Variants in TOB1 observed in about 807,000 individuals in gnomAD.
TOB1 encodes the protein transducer of ERBB2, 1.
In TOB1, 2 loss-of-function variants were observed where a neutral mutation model predicts 22.9. The ratio of observed to expected loss-of-function variants is 0.09; its 90% CI spans 0.04 to 0.28. TOB1 has a LOEUF of 0.28. Among genes scored for constraint, TOB1 ranks in the 10% least tolerant of loss-of-function variants. The pLI is 1.00. For missense variants in TOB1, 299 were observed against 420.5 expected, an observed-to-expected ratio of 0.71 and a Z score of 2.53; for synonymous variants, 154 against 150.6, an observed-to-expected ratio of 1.02 and a Z score of -0.17.
rs1230212574 is a variant in TOB1 at position 50,862,846 on chromosome 17, TTTA to T, written c.*131_*133del. On this transcript the variant is annotated 3_prime_UTR_variant, in exon 2 of 2. Transcript: ENST00000499247. Reference sequence around the variant, plus strand: ...TTGGCAAATGAAAAATGATGCATGTTTTATTATTATTTTTTTAACCAAGCTTGA... The same window carrying T: ...TTGGCAAATGAAAAATGATGCATGTTTTATTATTTTTTTAACCAAGCTTGA... 19 of 1,258,972 alleles carry T rather than the reference TTTA, an allele frequency of 1.5e-5. No individual in the cohort carries two copies. Among genetic ancestry groups the T allele is most frequent in the Non-Finnish European group, 1.9e-5 (18 of 955,000 alleles). 78.0% of individuals were successfully genotyped at this position (1,258,972 alleles called of 1,614,324 possible).
Position 50,863,822 on chromosome 17 carries a change from G to A in TOB1, c.196C>T (p.Pro66Ser), listed in dbSNP as rs1258915177. The change falls in exon 2 of 2, where the codon CCA becomes TCA. Residue 66 changes from proline (P) to serine (S), a missense_variant. Pro to Ser is a moderately conservative substitution (Grantham distance 74). Transcript: ENST00000499247. ...RCIHIGEKVD[P>S]VIEQASKESG... ...TCTTTGGATGCTTGTTCAATCACTG[G>A]GTCCACTTTCTCCCCTATGTGTATA... 2.5e-6 allele frequency: 4 copies of A among 1,613,820 alleles called. No homozygotes were observed. Among genetic ancestry groups the A allele is most frequent in the Middle Eastern group, 1.6e-4 (1 of 6,062 alleles).
Position 50,862,819 on chromosome 17 carries a change from G to T in TOB1, c.*161C>A. 9.8e-7 allele frequency: 1 copy of T among 1,017,668 alleles called. No homozygotes were observed. The highest frequency in any genetic ancestry group is 1.4e-6 in the Non-Finnish European group (1 of 739,896). The allele number at this position is 1,017,668 out of a possible 1,614,324, so 63.0% of individuals were successfully genotyped here. ...GTCAGTATAAAATAACTTTGTGCTT[G>T]GTTGGCAAATGAAAAATGATGCATG... is the stretch of plus-strand genomic sequence containing the variant. On this transcript the variant is annotated 3_prime_UTR_variant, in exon 2 of 2. Coordinates refer to ENST00000499247, the MANE Select transcript of TOB1 (RefSeq NM_005749.4).
Position 50,863,791 on chromosome 17 carries a change from C to G in TOB1, c.227G>C (p.Gly76Ala), listed in dbSNP as rs754352384. The change falls in exon 2 of 2, where the codon GGT becomes GCT. Residue 76 changes from glycine (G) to alanine (A), a missense_variant. Physicochemically the swap from Gly to Ala is moderately conservative, Grantham distance 60. Coordinates refer to ENST00000499247, the MANE Select transcript of TOB1 (RefSeq NM_005749.4). The stretch of plus-strand genomic sequence containing the variant: ...GCCACGAACATCATCAATGTCCAAA[C>G]CACTCTCTTTGGATGCTTGTTCAAT... ...PVIEQASKES[G>A]LDIDDVRGNL... 1 of 1,614,046 alleles carries G rather than the reference C, an allele frequency of 6.2e-7. No individual in the cohort carries two copies. Among genetic ancestry groups the G allele is most frequent in the East Asian group, 2.2e-5 (1 of 44,872 alleles).
At chr17:50,866,809 C>G (rs1972318881), upstream of TOB1, 1 of 152,396 alleles carries the variant, frequency 6.6e-6, no homozygotes, top group African/African-American at 2.4e-5. Context: ...AGAACCGGGG[C>G]TGGAGGAGCG....
In TOB1 at chr17:50,863,320, C is replaced by G. The variant is rs747354797; in HGVS notation, c.698G>C (p.Gly233Ala). ...CTGTGGCTGCTGCTGGCTACCCAAG[C>G]CAAGCCCATACAGAGAGTGCATTGA... ...SSSMHSLYGL[G>A]LGSQQQPQQQ... Residue 233 changes from glycine to alanine, a missense_variant, in exon 2 of 2, where the codon GGC becomes GCC. Physicochemically the swap from Gly to Ala is moderately conservative, Grantham distance 60. Transcript: ENST00000499247. 6.2e-7 allele frequency: 1 copy of G among 1,614,004 alleles called. No individual in the cohort carries two copies. The highest frequency in any genetic ancestry group is 8.5e-7 in the Non-Finnish European group (1 of 1,180,032).
upstream of TOB1, chr17:50,867,777 G>C (rs1389334091): frequency 6.6e-6 from 1 of 152,210 alleles, no homozygotes; most frequent in Non-Finnish European, 1.5e-5. Context: ...CTCTCAACCT[G>C]CTATAAGGAA....
At chr17:50,866,986 C>G (rs1219067917), upstream of TOB1, 2 of 152,294 alleles carry the variant, frequency 1.3e-5, no homozygotes, top group Non-Finnish European at 2.9e-5. Flanking sequence ...ATTAATCACC[C>G]CAAGGCCTAG....
intron 1 of TOB1, among the ~76,000 whole-genome samples, chr17:50,865,668 G>A (rs1972288909): frequency 1.3e-5 from 2 of 151,730 alleles, no homozygotes; most frequent in Non-Finnish European, 2.9e-5. Context: ...CGTGGCCCCC[G>A]CCCCGGGCTC....
chr17:50,865,888 C>A (rs1214457639), intron 1 of TOB1, among the ~76,000 whole-genome samples, 170 bp downstream of exon 1: 1 of 151,698 alleles, frequency 6.6e-6, no homozygotes, highest in Non-Finnish European at 1.5e-5. Context: ...CCCCTCGGAG[C>A]CGCTCCCCTC....
At position 50,863,736 on chromosome 17, in the gene TOB1, G is replaced by A. The variant is rs770963023; in HGVS notation, c.282C>T (p.Ile94=). The A allele has an allele frequency of 3.1e-6, 5 of 1,613,960 alleles. No individual in the cohort carries two copies. Among genetic ancestry groups the A allele is most frequent in the African/African-American group, 1.3e-5 (1 of 74,880 alleles). ...TTTGGTAAGAAACCTCAAATGGGTC[G>A]ATCCAAACACTAAGATCCTGTGGCA... ...GNLPQDLSVW[I]DPFEVSYQIG... The change falls in exon 2 of 2, where the codon ATC becomes ATT. Residue 94 remains isoleucine, a synonymous_variant. Coordinates refer to ENST00000499247, the MANE Select transcript of TOB1 (RefSeq NM_005749.4).
upstream of TOB1, chr17:50,867,834 C>T (rs1251261039): frequency 6.6e-6 from 1 of 152,192 alleles, no homozygotes; most frequent in African/African-American, 2.4e-5. Flanking sequence ...GGGGCGGGCC[C>T]GTGTAGACCA....
At position 50,864,132 on chromosome 17, in the gene TOB1, T is replaced by C; in HGVS notation, c.-115A>G. ...TTTTCATTCAAAGTGCTGGTATTAGTAGATTATCCTTCACCTTGAGTGATC... is the reference window on the plus strand; with the variant it reads ...TTTTCATTCAAAGTGCTGGTATTAGCAGATTATCCTTCACCTTGAGTGATC... On this transcript the variant is annotated 5_prime_UTR_variant, in exon 2 of 2. Transcript: ENST00000499247. The C allele has an allele frequency of 7.1e-7, 1 of 1,415,038 alleles. No homozygotes were observed. The highest frequency in any genetic ancestry group is 9.1e-7 in the Non-Finnish European group (1 of 1,093,770). 87.7% of individuals were successfully genotyped at this position (1,415,038 alleles called of 1,614,324 possible).
intron 1 of TOB1, 92 bp from the exon 2 acceptor site, chr17:50,864,255 G>T: frequency 4.5e-6 from 3 of 661,886 alleles, no homozygotes; most frequent in South Asian, 4.0e-5. Flanking sequence ...CTTTCAAAAT[G>T]TCTAAGATCC....
chr17:50,866,097 G>C lies in TOB1; in HGVS notation c.-186C>G, dbSNP rs1223200068. The stretch of plus-strand genomic sequence containing the variant: ...CGGCTTGGACCACAGACCCGCGGCT[G>C]GGCGGGGAGCAGCGCGGCAGGGCGG... On this transcript the variant is annotated 5_prime_UTR_variant, in exon 1 of 2. Transcript: ENST00000499247. 3 of 152,088 alleles carry C rather than the reference G, an allele frequency of 2.0e-5. No individual in the cohort carries two copies. Among genetic ancestry groups the C allele is most frequent in the Admixed American group, 2.0e-4 (3 of 15,266 alleles). The allele number at this position is 152,088 out of a possible 1,614,324, so 9.4% of individuals were successfully genotyped here. A position where few individuals can be genotyped will look rare whatever the true frequency, so the allele number is the denominator to read the frequency against.
At position 50,863,267 on chromosome 17, in the gene TOB1, G is replaced by A; in HGVS notation, c.751C>T (p.Pro251Ser). ...TGCTGCTGTGGTGGTGGTGGTGGCG[G>A]TGGCGGCTGGGCTGGCTGCTGCTGT... The part of the protein sequence containing the change: ...QQQQQPAQPP[P>S]PPPPPQQQQQ... The change falls in exon 2 of 2, where the codon CCG (proline) becomes TCG (serine). Residue 251 changes from proline to serine, a missense_variant. Physicochemically the swap from Pro to Ser is moderately conservative, Grantham distance 74. Coordinates refer to ENST00000499247, the MANE Select transcript of TOB1 (RefSeq NM_005749.4). 6.2e-7 allele frequency: 1 copy of A among 1,613,812 alleles called. No homozygotes were observed. The highest frequency in any genetic ancestry group is 8.5e-7 in the Non-Finnish European group (1 of 1,179,906).
chr17:50,864,173 A>T lies in TOB1; in HGVS notation c.-146-10T>A. On this transcript the variant is annotated splice_polypyrimidine_tract_variant and intron_variant, in intron 1 of 1. Transcript: ENST00000499247. ...TTGAGTGATCTTGTTCCTTAAAACA[A>T]AAGCAAACATATCCAAATAAGATAA... 1 of 1,332,478 alleles carries T rather than the reference A, an allele frequency of 7.5e-7. No individual in the cohort carries two copies. The highest frequency in any genetic ancestry group is 9.7e-7 in the Non-Finnish European group (1 of 1,029,688). 82.5% of individuals were successfully genotyped at this position (1,332,478 alleles called of 1,614,324 possible).
chr17:50,863,021 G>C lies in TOB1; in HGVS notation c.997C>G (p.Gln333Glu), dbSNP rs1972236656. The C allele has an allele frequency of 6.2e-7, 1 of 1,613,634 alleles. No individual in the cohort carries two copies. Among genetic ancestry groups the C allele is most frequent in the Non-Finnish European group, 8.5e-7 (1 of 1,179,896 alleles). The change falls in exon 2 of 2, where the codon CAG becomes GAG. Residue 333 changes from glutamine to glutamate, a missense_variant. Gln to Glu is a conservative substitution (Grantham distance 29). Transcript: ENST00000499247. ...DGLNFSLNNMQYSNQQFQPVM... is the reference protein window; with the variant it reads ...DGLNFSLNNMEYSNQQFQPVM... ...GGCTGGAATTGCTGGTTAGAATACT[G>C]CATGTTATTTAAGCTAAAATTCAAG...
chr17:50,862,853 T>C lies in TOB1; in HGVS notation c.*127A>G. 11 of 1,293,332 alleles carry C rather than the reference T, an allele frequency of 8.5e-6. No homozygotes were observed. Among genetic ancestry groups the C allele is most frequent in the Non-Finnish European group, 9.2e-6 (9 of 983,200 alleles). 80.1% of individuals were successfully genotyped at this position (1,293,332 alleles called of 1,614,324 possible). On this transcript the variant is annotated 3_prime_UTR_variant, in exon 2 of 2. Transcript: ENST00000499247. ...ATGAAAAATGATGCATGTTTTATTA[T>C]TATTTTTTTAACCAAGCTTGAATGT...
chr17:50,862,963 G>C lies in TOB1; in HGVS notation c.*17C>G, dbSNP rs766636254. ...TGGGCCCGTGCATTTTAACTTGTAC[G>C]ATACATTTTCTTTTTTTTAGTTAGC... On this transcript the variant is annotated 3_prime_UTR_variant, in exon 2 of 2. Coordinates refer to ENST00000499247, the MANE Select transcript of TOB1 (RefSeq NM_005749.4). 3.2e-6 allele frequency: 5 copies of C among 1,585,106 alleles called. No homozygotes were observed. The highest frequency in any genetic ancestry group is 1.4e-5 in the African/African-American group (1 of 73,142).
Sources: allele counts gnomAD v4.1 joint callset (sites outside exome capture counted in the v4.1 genomes callset), GRCh38; gene constraint gnomAD v4.1.1; transcripts MANE v1.5; gene names NCBI Gene and HGNC (gene_info 2026-07-23, HGNC 2026-07-21).